NEDD1: variants seen among roughly 807,000 people sequenced by gnomAD.
NEDD1 encodes NEDD1 gamma-tubulin ring complex targeting factor.
A neutral mutation model predicts 74.0 loss-of-function variants in NEDD1; 33 were observed. The observed-to-expected ratio is 0.45, with a 90% CI of 0.34 to 0.60. NEDD1 has a LOEUF of 0.60. Among genes scored for constraint, NEDD1 ranks in the 20% least tolerant of loss-of-function variants. NEDD1 has a pLI of 0.01. For synonymous variants in NEDD1, 250 were observed against 264.4 expected (o/e 0.95, Z 0.53); for missense variants, 746 against 776.5 (o/e 0.96, Z 0.47).
At chr12:96,910,048 A>G (rs1299693660) in intron 3 of NEDD1, among the ~76,000 whole-genome samples, 153 bp downstream of exon 3, 1 of 152,244 alleles carries the variant, frequency 6.6e-6, no homozygotes, top group African/African-American at 2.4e-5. Flanking sequence ...AGTAATTTAC[A>G]AAACAATATA....
At chr12:96,944,044 C>A (rs1051245340) in intron 12 of NEDD1, among the ~76,000 whole-genome samples, 1 of 152,022 alleles carries the variant, frequency 6.6e-6, no homozygotes, top group Non-Finnish European at 1.5e-5. Context: ...AAGTGTATTT[C>A]ATTGCAGTAT....
chr12:96,940,810 T>G (rs1877591053), intron 10 of NEDD1, among the ~76,000 whole-genome samples: 1 of 152,058 alleles, frequency 6.6e-6, no homozygotes, highest in East Asian at 1.9e-4. Context: ...GTTTTTACCT[T>G]CATAGGCAAT....
At chr12:96,944,911 A>G (rs1270922845) in intron 13 of NEDD1, 116 bp downstream of exon 13, 1 of 744,178 alleles carries the variant, frequency 1.3e-6, no homozygotes, top group Non-Finnish European at 2.1e-6. Context: ...CAAAGAGTTT[A>G]AAGTTTGTGG....
intron 13 of NEDD1, 75 bp from the exon 14 acceptor site, chr12:96,945,618 C>A: frequency 3.2e-6 from 3 of 941,758 alleles, no homozygotes; most frequent in Non-Finnish European, 4.9e-6. Context: ...TTGCACATGC[C>A]AAATCTTATT....
At chr12:96,937,501 T>A in intron 9 of NEDD1, 108 bp downstream of exon 9, 1 of 510,402 alleles carries the variant, frequency 2.0e-6, no homozygotes, top group Non-Finnish European at 3.4e-6. Flanking sequence ...GAACTCAAAT[T>A]TATTTGAGTA....
At chr12:96,914,094 C>T (rs531301205) in intron 4 of NEDD1, among the ~76,000 whole-genome samples, 1 of 152,244 alleles carries the variant, frequency 6.6e-6, no homozygotes, top group South Asian at 2.1e-4. Flanking sequence ...CTCTGTTTAA[C>T]CTGACTTAAG....
intron 6 of NEDD1, among the ~76,000 whole-genome samples, chr12:96,926,867 G>A (rs908067193): frequency 2.6e-5 from 4 of 151,802 alleles, no homozygotes; most frequent in African/African-American, 9.7e-5. Flanking sequence ...CGCGCCTATA[G>A]TCCTAGCTAC....
intron 4 of NEDD1, among the ~76,000 whole-genome samples, chr12:96,914,810 A>G (rs995822132): frequency 1.3e-5 from 2 of 152,128 alleles, no homozygotes; most frequent in Non-Finnish European, 2.9e-5. Context: ...TAACCACACA[A>G]TTTCCATTAA....
chr12:96,942,648 T>C, intron 11 of NEDD1, 24 bp downstream of exon 11: 1 of 1,278,252 alleles, frequency 7.8e-7, no homozygotes, highest in Non-Finnish European at 1.1e-6. Flanking sequence ...AGAAGTATTT[T>C]CGTGAAAATG....
In NEDD1 at chr12:96,944,790, C is replaced by A; in HGVS notation, c.1649C>A (p.Thr550Asn). Residue 550 changes from threonine (T) to asparagine (N), a missense_variant, in exon 13 of 16, where the codon ACT becomes AAT. Physicochemically the swap from Thr to Asn is moderately conservative, Grantham distance 65 (BLOSUM62 0). Transcript: ENST00000266742. ...GAACCCCCAATCAATGGATCCTCAA[C>A]TCCAAGTAAGTACATGAAACTTCCT... ...ICEPPINGSS[T>N]PNPKIASSVT... 6.5e-7 allele frequency: 1 copy of A among 1,548,240 alleles called. No individual in the cohort carries two copies. The highest frequency in any genetic ancestry group is 2.2e-5 in the Admixed American group (1 of 45,884).
Position 96,907,645 on chromosome 12 carries a change from T to G in NEDD1, c.-220T>G, listed in dbSNP as rs576555686. 5 of 1,550,806 alleles carry G rather than the reference T, an allele frequency of 3.2e-6. No individual in the cohort carries two copies. In the South Asian group the frequency reaches 4.8e-5, roughly 15 times the overall value. The stretch of plus-strand genomic sequence containing the variant: ...TACAGGTTAGCCTCACTTGAGCTGT[T>G]GTCCTGCAAGTAAAGTGTATTTTTG... On this transcript the variant is annotated 5_prime_UTR_variant, in exon 2 of 16. Coordinates refer to ENST00000266742, the MANE Select transcript of NEDD1 (RefSeq NM_152905.4).
At position 96,935,203 on chromosome 12, in the gene NEDD1, GAAGT is replaced by G; in HGVS notation, c.719+3_719+6del. ...TCATCCTCTATGACACTTCAAGTAA[GAAGT>G]AAGTGTGACATGCTTATTTCTTAAT... On this transcript the variant is annotated splice_donor_variant and coding_sequence_variant, in exon 7 of 16. Coordinates refer to ENST00000266742, the MANE Select transcript of NEDD1 (RefSeq NM_152905.4). LOFTEE classifies it high-confidence loss of function. 6.7e-7 allele frequency: 1 copy of G among 1,500,622 alleles called. No individual in the cohort carries two copies. The highest frequency in any genetic ancestry group is 9.3e-7 in the Non-Finnish European group (1 of 1,076,386). The allele number at this position is 1,500,622 out of a possible 1,614,324, so 93.0% of individuals were successfully genotyped here.
At chr12:96,942,144 A>G (rs1250002811) in intron 10 of NEDD1, among the ~76,000 whole-genome samples, 1 of 152,104 alleles carries the variant, frequency 6.6e-6, no homozygotes, top group African/African-American at 2.4e-5. Flanking sequence ...TTTTTGTATT[A>G]TTTCAATTGA....
intron 6 of NEDD1, among the ~76,000 whole-genome samples, chr12:96,924,636 T>C (rs1442253442): frequency 6.6e-6 from 1 of 152,194 alleles, no homozygotes; most frequent in Non-Finnish European, 1.5e-5. Context: ...ACACAGTTCA[T>C]ATTTGTCTTT....
intron 3 of NEDD1, among the ~76,000 whole-genome samples, chr12:96,911,560 CAG>C (rs1335031637): frequency 6.6e-6 from 1 of 151,906 alleles, no homozygotes; most frequent in Admixed American, 6.6e-5. Context: ...TGTGAGACAC[CAG>C]AGAGATTAGT....
chr12:96,944,785 C>G lies in NEDD1; in HGVS notation c.1644C>G (p.Ser548=). ...QLICEPPING[S]STPNPKIASS... is the part of the protein sequence containing the mutation. ...TATGTGAACCCCCAATCAATGGATC[C>G]TCAACTCCAAGTAAGTACATGAAAC... The change falls in exon 13 of 16, where the codon TCC becomes TCG. Residue 548 remains serine (S), a synonymous_variant. Coordinates refer to ENST00000266742, the MANE Select transcript of NEDD1 (RefSeq NM_152905.4). The G allele has an allele frequency of 6.4e-7, 1 of 1,554,074 alleles. No individual in the cohort carries two copies. The highest frequency in any genetic ancestry group is 8.6e-7 in the Non-Finnish European group (1 of 1,156,508).
At chr12:96,929,716 CA>C (rs1238233251) in intron 6 of NEDD1, among the ~76,000 whole-genome samples, 1 of 151,460 alleles carries the variant, frequency 6.6e-6, no homozygotes, top group Non-Finnish European at 1.5e-5. Flanking sequence ...CCATCCTGTT[CA>C]GGTTTGCTTC....
chr12:96,928,805 G>A (rs1023396830), intron 6 of NEDD1, among the ~76,000 whole-genome samples: 2 of 149,468 alleles, frequency 1.3e-5, no homozygotes, highest in African/African-American at 4.9e-5. Flanking sequence ...TCCTGCCTCA[G>A]CCTCCCGAGT....
chr12:96,936,895 C>G lies in NEDD1; in HGVS notation c.921+83C>G. ...TGGAAATTATATGTGGTCAATTAAA[C>G]AGTATAGTTTTGTTTCATAATTACA... On this transcript the variant is annotated intron_variant, in intron 8 of 15. Transcript: ENST00000266742. 3.6e-6 allele frequency: 3 copies of G among 829,248 alleles called. No individual in the cohort carries two copies. The South Asian group carries it at 5.2e-5, about 14-fold the overall frequency. The allele number at this position is 829,248 out of a possible 1,614,324, so 51.4% of individuals were successfully genotyped here.
Sources: allele counts gnomAD v4.1 joint callset (sites outside exome capture counted in the v4.1 genomes callset), GRCh38; gene constraint gnomAD v4.1.1; transcripts MANE v1.5; gene names NCBI Gene and HGNC (gene_info 2026-07-23, HGNC 2026-07-21).